The following TTN variants were observed in gnomAD, a reference collection of about 807,000 sequenced individuals.
TTN encodes the protein connectin.
Under a neutral mutation model 3,223.0 loss-of-function variants are expected in TTN, and 1,525 were observed. The ratio of observed to expected loss-of-function variants is 0.47; its 90% confidence interval spans 0.45 to 0.49. The LOEUF is 0.49. Ranked by LOEUF, TTN falls within the 20% of genes least tolerant of loss-of-function variation. The pLI, the probability that TTN is intolerant of heterozygous loss-of-function variation, is 0.00. For synonymous variants in TTN, 14,094 were observed against 15,161.0 expected, an observed-to-expected ratio of 0.93 and a Z score of 5.17; for missense variants, 40,786 against 43,424.0, an observed-to-expected ratio of 0.94 and a Z score of 5.40.
intron 45 of TTN, among the ~76,000 whole-genome samples, chr2:178,757,148 G>GCTTTAAGTACAGTAATACTGTACTTA (rs2087309514): frequency 1.0e-5 from 1 of 95,632 alleles, no homozygotes; most frequent in Non-Finnish European, 1.9e-5. Flanking sequence ...TCCACTGTAT[G>GCTTTAAGTACAGTAATACTGTACTTA]CTTTAAGTAC....
At chr2:178,668,840 A>T (rs1577175774) in intron 159 of TTN, among the ~76,000 whole-genome samples, 1 of 151,984 alleles carries the variant, frequency 6.6e-6, no homozygotes. Context: ...TTATTTCATA[A>T]TTCAAATTAT....
At chr2:178,684,625 G>A (rs35546066) in intron 131 of TTN, 41 bp downstream of exon 131, 153 of 1,571,318 alleles carry the variant, frequency 9.7e-5, no homozygotes, top group Non-Finnish European at 1.3e-4. Context: ...AGAAAGACAA[G>A]CCATATGTTC....
At chr2:178,605,971 A>G (rs2154195924) in intron 278 of TTN, among the ~76,000 whole-genome samples, 1 of 152,072 alleles carries the variant, frequency 6.6e-6, no homozygotes, top group African/African-American at 2.4e-5. Flanking sequence ...TTAATTTAAC[A>G]TTTTAGATTG....
In TTN at chr2:178,584,700, T is replaced by C. The variant is rs1486908548; in HGVS notation, c.64941A>G (p.Thr21647=). ...ENRFGISEPL[T]SPKMVAQFPF... is the part of the protein sequence containing the mutation. ...GGAACTGCGCAACCATCTTTGGAGATGTGAGAGGCTCTGAAATGCCAAATC... is the reference window on the plus strand; with the variant it reads ...GGAACTGCGCAACCATCTTTGGAGACGTGAGAGGCTCTGAAATGCCAAATC... The change falls in exon 310 of 363, where the codon ACA becomes ACG. Residue 21647 remains threonine (T), a synonymous_variant. Coordinates refer to ENST00000589042, the MANE Select transcript of TTN (RefSeq NM_001267550.2). 6.2e-7 allele frequency: 1 copy of C among 1,613,460 alleles called. No homozygotes were observed. Among genetic ancestry groups the C allele is most frequent in the Non-Finnish European group, 8.5e-7 (1 of 1,179,562 alleles).
chr2:178,679,338 C>A lies in TTN; in HGVS notation c.33742+1G>T, dbSNP rs772114165. Reference sequence around the variant, plus strand: ...TCCACTGATGGATTATAAGGATGTACCTTTTGCTGGCGGAGGCTTCTCCTT... The same window carrying A: ...TCCACTGATGGATTATAAGGATGTAACTTTTGCTGGCGGAGGCTTCTCCTT... On this transcript the variant is annotated splice_donor_variant, in intron 142 of 362. Transcript: ENST00000589042. LOFTEE classifies it high-confidence loss of function. The A allele has an allele frequency of 9.9e-6, 16 of 1,612,304 alleles. No homozygotes were observed. Among genetic ancestry groups the A allele is most frequent in the African/African-American group, 4.0e-5 (3 of 74,780 alleles).
intron 102 of TTN, 115 bp downstream of exon 102, chr2:178,706,339 G>T: frequency 1.8e-6 from 2 of 1,116,618 alleles, no homozygotes; most frequent in Non-Finnish European, 2.5e-6. Flanking sequence ...TTGTTTATTT[G>T]TATTTTTAAA....
Position 178,646,572 on chromosome 2 carries a change from T to G in TTN, c.40223-13A>C. The G allele has an allele frequency of 6.6e-7, 1 of 1,511,482 alleles. No homozygotes were observed. The allele number at this position is 1,511,482 out of a possible 1,614,324, so 93.6% of individuals were successfully genotyped here. On this transcript the variant is annotated splice_polypyrimidine_tract_variant and intron_variant, in intron 215 of 362. Coordinates refer to ENST00000589042, the MANE Select transcript of TTN (RefSeq NM_001267550.2). ...TCAATTTCACGTTCTTTAAAGAATGTTGACAAAGGAGATGAGGTTGCAATG... is the reference window on the plus strand; with the variant it reads ...TCAATTTCACGTTCTTTAAAGAATGGTGACAAAGGAGATGAGGTTGCAATG...
At position 178,552,273 on chromosome 2, in the gene TTN, T is replaced by C; in HGVS notation, c.90627A>G (p.Ala30209=). 6.2e-7 allele frequency: 1 copy of C among 1,613,602 alleles called. No individual in the cohort carries two copies. The highest frequency in any genetic ancestry group is 8.5e-7 in the Non-Finnish European group (1 of 1,179,704). The change falls in exon 335 of 363, where the codon GCA becomes GCG. Residue 30209 remains alanine (A), a synonymous_variant. Transcript: ENST00000589042. ...TAATGGGGACTGCAATTCTACACAC[T>C]GCATTATCAAGAATAACAGTGTATT... The part of the protein sequence containing the change: ...GGKYTVILDN[A]VCRIAVPITV...
chr2:178,736,379 C>T (rs1345954360), intron 49 of TTN, among the ~76,000 whole-genome samples: 1 of 152,102 alleles, frequency 6.6e-6, no homozygotes, highest in East Asian at 1.9e-4. Context: ...ATTTGATAAG[C>T]TATTGAGCTG....
intron 220 of TTN, among the ~76,000 whole-genome samples, chr2:178,640,940 T>C (rs771203386): frequency 1.4e-4 from 21 of 151,952 alleles, no homozygotes; most frequent in Non-Finnish European, 2.9e-4. Context: ...CCCCAGATTA[T>C]GAAACCTTTG....
Position 178,611,815 on chromosome 2 carries a change from C to T in TTN, c.50494G>A (p.Ala16832Thr), listed in dbSNP as rs1465354124. The T allele has an allele frequency of 6.2e-7, 1 of 1,612,948 alleles. No homozygotes were observed. Among genetic ancestry groups the T allele is most frequent in the Non-Finnish European group, 8.5e-7 (1 of 1,179,292 alleles). Residue 16832 changes from alanine (A) to threonine (T), a missense_variant, in exon 268 of 363, where the codon GCT (alanine) becomes ACT (threonine). Physicochemically the swap from Ala to Thr is moderately conservative, Grantham distance 58 (BLOSUM62 0). Transcript: ENST00000589042. ...GGTTCACTTGGGTGGCCAACTCCAG[C>T]TTCATTTTCAGCCCGAACCTGAAAC... ...VQFQVRAENE[A>T]GVGHPSEPTE...
Position 178,776,656 on chromosome 2 carries a change from C to G in TTN, c.5208G>C (p.Val1736=). 1 of 1,614,126 alleles carries G rather than the reference C, an allele frequency of 6.2e-7. No homozygotes were observed. Among genetic ancestry groups the G allele is most frequent in the Non-Finnish European group, 8.5e-7 (1 of 1,180,020 alleles). Residue 1736 remains valine (V), a synonymous_variant, in exon 28 of 363, where the codon GTG becomes GTC. Transcript: ENST00000589042. The part of the protein sequence containing the change: ...LTPIGDPTMV[V]EWLHDGKPLE... ...GTGGCTTTCCATCATGGAGCCACTC[C>G]ACCACCATCGTTGGGTCACCAATGG...
intron 131 of TTN, 99 bp downstream of exon 131, chr2:178,684,567 C>T (rs964514242): frequency 1.4e-6 from 2 of 1,383,780 alleles, no homozygotes; most frequent in East Asian, 4.6e-5. Context: ...ACCATTGTCA[C>T]CCACCAACAT....
chr2:178,594,796 A>G lies in TTN; in HGVS notation c.57848-150T>C, dbSNP rs2051063383. The G allele has an allele frequency of 6.3e-6, 4 of 631,416 alleles. No individual in the cohort carries two copies. The South Asian group carries it at 9.9e-5, about 16-fold the overall frequency. The allele number at this position is 631,416 out of a possible 1,614,324, so 39.1% of individuals were successfully genotyped here. On this transcript the variant is annotated intron_variant, in intron 295 of 362. Transcript: ENST00000589042. Reference sequence around the variant, plus strand: ...GCAAAAGAGATCTCATCATAAAACTATTAGAGTTAAAAAGGACCCAATACA... The same window carrying G: ...GCAAAAGAGATCTCATCATAAAACTGTTAGAGTTAAAAAGGACCCAATACA...
At position 178,773,660 on chromosome 2, in the gene TTN, A is replaced by T; in HGVS notation, c.7396T>A (p.Cys2466Ser). 1 of 1,614,060 alleles carries T rather than the reference A, an allele frequency of 6.2e-7. No individual in the cohort carries two copies. The highest frequency in any genetic ancestry group is 8.5e-7 in the Non-Finnish European group (1 of 1,179,972). ...GTCACATCAGGGACTGACACCTTACATTCAAGCACAGCCTTGGTGCCTTCA... is the reference window on the plus strand; with the variant it reads ...GTCACATCAGGGACTGACACCTTACTTTCAAGCACAGCCTTGGTGCCTTCA... Reference protein sequence around the residue: ...VIEGTKAVLECKVSVPDVTSV... With the variant: ...VIEGTKAVLESKVSVPDVTSV... The change falls in exon 32 of 363, where the codon TGT becomes AGT. Residue 2466 changes from cysteine (C) to serine (S), a missense_variant. Coordinates refer to ENST00000589042, the MANE Select transcript of TTN (RefSeq NM_001267550.2).
intron 106 of TTN, among the ~76,000 whole-genome samples, chr2:178,703,808 A>T (rs1481213738): frequency 2.6e-5 from 4 of 152,348 alleles, no homozygotes; most frequent in Non-Finnish European, 4.4e-5. Flanking sequence ...GATCCTCCAG[A>T]TTTACATCTA....
In TTN at chr2:178,709,690, T is replaced by C; in HGVS notation, c.28629A>G (p.Thr9543=). 6.2e-7 allele frequency: 1 copy of C among 1,613,954 alleles called. No individual in the cohort carries two copies. Among genetic ancestry groups the C allele is most frequent in the Non-Finnish European group, 8.5e-7 (1 of 1,179,850 alleles). The change falls in exon 99 of 363, where the codon ACA becomes ACG. Residue 9543 remains threonine (T), a synonymous_variant. Coordinates refer to ENST00000589042, the MANE Select transcript of TTN (RefSeq NM_001267550.2). ...GCAGCACTAACGTGTTGTTCTTGAATGTTATTTCACAGTTAGAAGTTGGTT... is the reference window on the plus strand; with the variant it reads ...GCAGCACTAACGTGTTGTTCTTGAACGTTATTTCACAGTTAGAAGTTGGTT... The part of the protein sequence containing the change: ...EIQPTSNCEI[T]FKNNTLVLQV...
rs1707347772 is a variant in TTN, at chr2:178,569,535, G to A, written c.76597C>T (p.Pro25533Ser). 1.9e-6 allele frequency: 3 copies of A among 1,612,554 alleles called. No homozygotes were observed. Among genetic ancestry groups the A allele is most frequent in the Non-Finnish European group, 2.5e-6 (3 of 1,179,270 alleles). The change falls in exon 326 of 363, where the codon CCT becomes TCT. Residue 25533 changes from proline (P) to serine (S), a missense_variant. Coordinates refer to ENST00000589042, the MANE Select transcript of TTN (RefSeq NM_001267550.2). The stretch of plus-strand genomic sequence containing the variant: ...TCTGGTGTAGGACGACCTTTTATAG[G>A]AACAAATAACCTTAAGGAGCCACCT... ...RAGGSLRLFV[P>S]IKGRPTPEVK...
chr2:178,653,109 T>C lies in TTN; in HGVS notation c.38807A>G (p.Lys12936Arg). 1.9e-6 allele frequency: 3 copies of C among 1,612,300 alleles called. No homozygotes were observed. Among genetic ancestry groups the C allele is most frequent in the Non-Finnish European group, 2.5e-6 (3 of 1,179,270 alleles). Reference sequence around the variant, plus strand: ...CACTTTCTTTTCAGGAACAACTTCTTTGGGAGCCTCTGGCACTTAAAAGAT... The same window carrying C: ...CACTTTCTTTTCAGGAACAACTTCTCTGGGAGCCTCTGGCACTTAAAAGAT... ...VPPVKVPEAP[K>R]EVVPEKKVPV... Residue 12936 changes from lysine (K) to arginine (R), a missense_variant, in exon 199 of 363, where the codon AAA becomes AGA. By Grantham distance (26) the Lys-to-Arg change is conservative. Coordinates refer to ENST00000589042, the MANE Select transcript of TTN (RefSeq NM_001267550.2).
Sources: gnomAD v4.1 joint callset for allele counts (sites outside exome capture counted in the v4.1 genomes callset) on GRCh38, gnomAD v4.1.1 for gene constraint, MANE v1.5 for transcripts, NCBI Gene and HGNC (gene_info 2026-07-23, HGNC 2026-07-21) for gene names.